Variants in DNAJC3 observed in about 807,000 individuals in gnomAD.
DNAJC3 encodes dnaJ homolog subfamily C member 3.
In DNAJC3, 38 loss-of-function variants were observed where a neutral mutation model predicts 68.6. The observed-to-expected ratio is 0.55, with a 90% CI of 0.43 to 0.73. The LOEUF (loss-of-function observed/expected upper bound fraction) is 0.73, where lower values mean the gene tolerates loss of function less well. Among genes scored for constraint, DNAJC3 ranks in the 30% least tolerant of loss-of-function variants. The pLI is 0.00. For missense variants in DNAJC3, 526 were observed against 591.9 expected (o/e 0.89, Z 1.16); for synonymous variants, 203 against 204.0 (o/e 1.00, Z 0.04).
chr13:95,767,691 G>GGTTTTTTTTT (rs1555328431), intron 9 of DNAJC3, among the ~76,000 whole-genome samples: 4 of 135,794 alleles, frequency 2.9e-5, no homozygotes, highest in African/African-American at 1.1e-4. Context: ...AGTTTTTTGG[G>GGTTTTTTTTT]TTTTTTTTTT....
intron 2 of DNAJC3, among the ~76,000 whole-genome samples, chr13:95,714,431 G>A (rs1881072375): frequency 6.8e-6 from 1 of 146,334 alleles, no homozygotes; most frequent in African/African-American, 2.6e-5. Flanking sequence ...AAAAAAAAAG[G>A]TGCAGTAGGA....
chr13:95,769,827 A>G (rs1399508013), intron 9 of DNAJC3, among the ~76,000 whole-genome samples: 1 of 152,214 alleles, frequency 6.6e-6, no homozygotes, highest in Non-Finnish European at 1.5e-5. Flanking sequence ...GGATTAGCAC[A>G]TTTGCTGACC....
At chr13:95,755,131 A>G (rs941901064) in intron 4 of DNAJC3, among the ~76,000 whole-genome samples, 3 of 151,992 alleles carry the variant, frequency 2.0e-5, no homozygotes, top group Non-Finnish European at 2.9e-5. Flanking sequence ...AGAGGAGTCA[A>G]CAGCCTCATG....
At chr13:95,709,204 A>G (rs1223207398) in intron 1 of DNAJC3, 23 bp from the exon 2 acceptor site, 1 of 1,477,130 alleles carries the variant, frequency 6.8e-7, no homozygotes, top group Non-Finnish European at 9.1e-7. Flanking sequence ...AAGTTAACTG[A>G]TTGTTTTTAA....
intron 3 of DNAJC3, 91 bp downstream of exon 3, chr13:95,723,457 C>A: frequency 7.1e-7 from 1 of 1,416,760 alleles, no homozygotes; most frequent in East Asian, 2.3e-5. Context: ...GCATGCTAGA[C>A]ATAGCTGGAA....
chr13:95,747,748 C>A (rs1882346748), intron 4 of DNAJC3, among the ~76,000 whole-genome samples: 2 of 152,060 alleles, frequency 1.3e-5, no homozygotes, highest in South Asian at 4.1e-4. Context: ...CCAAGTGTAA[C>A]CTTACAGTGG....
intron 9 of DNAJC3, among the ~76,000 whole-genome samples, chr13:95,779,396 T>C (rs182214611): frequency 1.2e-4 from 19 of 152,298 alleles, no homozygotes; most frequent in Admixed American, 1.2e-3. Context: ...AGTGCTGGGA[T>C]TACAGGCATG....
intron 9 of DNAJC3, among the ~76,000 whole-genome samples, chr13:95,777,231 C>T (rs1455422810): frequency 6.6e-6 from 1 of 152,234 alleles, no homozygotes; most frequent in East Asian, 1.9e-4. Context: ...CTGTTCTTTT[C>T]TGGGACTAAT....
At chr13:95,764,585 C>T (rs1882920305) in intron 9 of DNAJC3, among the ~76,000 whole-genome samples, 1 of 141,066 alleles carries the variant, frequency 7.1e-6, no homozygotes, top group African/African-American at 2.6e-5. Flanking sequence ...AAGCAGTGTC[C>T]TGTTTTTGGA....
Position 95,778,363 on chromosome 13 carries a change from A to G in DNAJC3, c.1076-7576A>G, listed in dbSNP as rs369053921. Among the ~76,000 whole-genome samples the G allele has an allele frequency of 3.9e-5, 6 of 152,356 alleles. No homozygotes were observed. In the South Asian group the frequency reaches 1.2e-3, roughly 32 times the overall value. On this transcript the variant is annotated intron_variant, in intron 9 of 11. Transcript: ENST00000602402. ...TGCAGCACAGACAGCAACTCTGGCA[A>G]CATGCTCAGGTGAGTTATTTGCACG...
At chr13:95,715,633 A>G (rs570324100) in intron 2 of DNAJC3, among the ~76,000 whole-genome samples, 3 of 151,794 alleles carry the variant, frequency 2.0e-5, no homozygotes, top group South Asian at 2.1e-4. Flanking sequence ...GAGTATAGGC[A>G]TGCGCCACCA....
intron 4 of DNAJC3, chr13:95,745,092 A>G (rs1236144488): frequency 2.2e-4 from 33 of 152,232 alleles, no homozygotes; most frequent in Admixed American, 2.1e-3. Context: ...TGTTGTATCT[A>G]TATAATAGAA....
At chr13:95,786,699 G>A (rs1464737373) in intron 10 of DNAJC3, among the ~76,000 whole-genome samples, 1 of 152,050 alleles carries the variant, frequency 6.6e-6, no homozygotes, top group Non-Finnish European at 1.5e-5. Flanking sequence ...ATTGAATTAT[G>A]GTAACTTGGA....
At chr13:95,732,656 T>A (rs978391465) in intron 4 of DNAJC3, among the ~76,000 whole-genome samples, 2 of 152,132 alleles carry the variant, frequency 1.3e-5, no homozygotes, top group Admixed American at 1.3e-4. Flanking sequence ...TGCATTGTTT[T>A]TTTAGTCTCA....
At position 95,763,684 on chromosome 13, in the gene DNAJC3, C is replaced by A. The variant is rs781749709; in HGVS notation, c.890C>A (p.Thr297Lys). 6.2e-7 allele frequency: 1 copy of A among 1,613,968 alleles called. No homozygotes were observed. Among genetic ancestry groups the A allele is most frequent in the South Asian group, 1.1e-5 (1 of 91,066 alleles). Reference protein sequence around the residue: ...ATSKYESVMKTEPSIAEYTVR... With the variant: ...ATSKYESVMKKEPSIAEYTVR... The stretch of plus-strand genomic sequence containing the variant: ...AGCAAATATGAATCTGTCATGAAAA[C>A]AGAGCCAAGCATTGCTGAATATACA... Residue 297 changes from threonine to lysine, a missense_variant, in exon 8 of 12, where the codon ACA becomes AAA. Thr to Lys is a moderately conservative substitution (Grantham distance 78, BLOSUM62 -1). Transcript: ENST00000602402.
intron 7 of DNAJC3, 28 bp from the exon 8 acceptor site, chr13:95,763,615 T>C: frequency 6.2e-7 from 1 of 1,604,094 alleles, no homozygotes; most frequent in Non-Finnish European, 8.5e-7. Context: ...ATGTCATCAT[T>C]TCTTATCATG....
chr13:95,791,096 ACCCT>A lies in DNAJC3; in HGVS notation c.*67_*70del. The A allele has an allele frequency of 6.4e-7, 1 of 1,569,234 alleles. No individual in the cohort carries two copies. Among genetic ancestry groups the A allele is most frequent in the African/African-American group, 1.4e-5 (1 of 72,432 alleles). ...AAAAACAAAGAAATCTTGTTCCGGG[ACCCT>A]AATGAAAAAAAATTTCAAATCTTTT... is the stretch of plus-strand genomic sequence containing the variant. On this transcript the variant is annotated 3_prime_UTR_variant, in exon 12 of 12. Coordinates refer to ENST00000602402, the MANE Select transcript of DNAJC3 (RefSeq NM_006260.5).
At chr13:95,678,383 A>G (rs1879824457) in intron 1 of DNAJC3, among the ~76,000 whole-genome samples, 1 of 152,078 alleles carries the variant, frequency 6.6e-6, no homozygotes. Flanking sequence ...TTTTTAAAGT[A>G]GTACTCCCCA....
Position 95,792,935 on chromosome 13 carries a change from T to A in DNAJC3, c.*1905T>A, listed in dbSNP as rs1374864200. 6.6e-6 allele frequency: 1 copy of A among 152,202 alleles called. No homozygotes were observed. Among genetic ancestry groups the A allele is most frequent in the East Asian group, 1.9e-4 (1 of 5,198 alleles). The allele number at this position is 152,202 out of a possible 1,614,324, so 9.4% of individuals were successfully genotyped here. On this transcript the variant is annotated 3_prime_UTR_variant, in exon 12 of 12. Transcript: ENST00000602402. ...ATAGAGTCAGAAAAAAAAGGAAATA[T>A]CAAATCACTTGCCTTTCCACTTGGA...
Sources: allele counts gnomAD v4.1 joint callset (sites outside exome capture counted in the v4.1 genomes callset), GRCh38; gene constraint gnomAD v4.1.1; transcripts MANE v1.5; gene names NCBI Gene and HGNC (gene_info 2026-07-23, HGNC 2026-07-21).